The following CEBPZ variants were observed in gnomAD, a reference collection of about 807,000 sequenced individuals.
CEBPZ encodes the protein CCAAT enhancer binding protein zeta.
In CEBPZ, 78 loss-of-function variants were observed where a neutral mutation model predicts 104.5. The observed-to-expected ratio is 0.75, with a 90% CI of 0.62 to 0.90. The LOEUF (loss-of-function observed/expected upper bound fraction) is 0.90. CEBPZ is among the 40% of genes least tolerant of loss of function. The pLI is 0.00. For missense variants in CEBPZ, 1,439 were observed against 1,233.5 expected, an observed-to-expected ratio of 1.17 and a Z score of -2.50; for synonymous variants, 470 against 427.0, an observed-to-expected ratio of 1.10 and a Z score of -1.24.
intron 2 of CEBPZ, among the ~76,000 whole-genome samples, chr2:37,224,841 T>A (rs1451896547): frequency 2.0e-5 from 3 of 152,226 alleles, no homozygotes; most frequent in African/African-American, 7.2e-5. Context: ...CCTAAAGGCC[T>A]GTTAAGAAAC....
At chr2:37,205,602 C>G (rs1677509978) in intron 13 of CEBPZ, among the ~76,000 whole-genome samples, 1 of 152,204 alleles carries the variant, frequency 6.6e-6, no homozygotes, top group East Asian at 1.9e-4. Flanking sequence ...CATGCAAAGC[C>G]TGTTTGGTGG....
At chr2:37,226,131 G>A (rs931519343) in intron 2 of CEBPZ, among the ~76,000 whole-genome samples, 3 of 151,828 alleles carry the variant, frequency 2.0e-5, no homozygotes, top group Non-Finnish European at 2.9e-5. Context: ...AGGGAACTCA[G>A]AGGCTGGCGG....
chr2:37,222,788 C>A (rs1664802758), intron 3 of CEBPZ, among the ~76,000 whole-genome samples: 1 of 152,118 alleles, frequency 6.6e-6, no homozygotes, highest in African/African-American at 2.4e-5. Context: ...AACCCCTGAG[C>A]CTTAAGGACT....
intron 9 of CEBPZ, among the ~76,000 whole-genome samples, chr2:37,214,353 G>C (rs1677816611): frequency 6.6e-6 from 1 of 152,074 alleles, no homozygotes; most frequent in African/African-American, 2.4e-5. Context: ...TAAGGCATTA[G>C]GTTATGATAC....
In CEBPZ at chr2:37,231,521, C is replaced by G. The variant is rs1293460666; in HGVS notation, c.47G>C (p.Trp16Ser). ...ATCTTCTACTGCCTCCTCGGGGCGC[C>G]AAGGCCGCTTGGCATGGAACTCCAA... ...EPLEFHAKRP[W>S]RPEEAVEDPD... Residue 16 changes from tryptophan (W) to serine (S), a missense_variant, in exon 1 of 16, where the codon TGG becomes TCG. Trp to Ser is a radical substitution (Grantham distance 177). Coordinates refer to ENST00000234170, the MANE Select transcript of CEBPZ (RefSeq NM_005760.3). The G allele has an allele frequency of 6.2e-7, 1 of 1,614,130 alleles. No homozygotes were observed. Among genetic ancestry groups the G allele is most frequent in the African/African-American group, 1.3e-5 (1 of 74,944 alleles).
chr2:37,222,550 T>C lies in CEBPZ; in HGVS notation c.1895A>G (p.Glu632Gly). Residue 632 changes from glutamate (E) to glycine (G), a missense_variant, in exon 4 of 16, where the codon GAA becomes GGA. Transcript: ENST00000234170. ...QLDDHPESDDEENFIDANDDE... is the reference protein window; with the variant it reads ...QLDDHPESDDGENFIDANDDE... ...ATCATTTGCATCAATAAAATTTTCTTCATCATCAGACTCCTAACAAAAGTA... is the reference window on the plus strand; with the variant it reads ...ATCATTTGCATCAATAAAATTTTCTCCATCATCAGACTCCTAACAAAAGTA... The C allele has an allele frequency of 6.3e-7, 1 of 1,585,128 alleles. No individual in the cohort carries two copies. Among genetic ancestry groups the C allele is most frequent in the Non-Finnish European group, 8.5e-7 (1 of 1,171,714 alleles).
chr2:37,202,503 G>A (rs771422886), intron 15 of CEBPZ: 10 of 235,002 alleles, frequency 4.3e-5, no homozygotes, highest in Non-Finnish European at 7.5e-5. Flanking sequence ...AAATTAGCTG[G>A]GCGTGGTGGT....
In CEBPZ at chr2:37,220,522, C is replaced by A. The variant is rs1395177225; in HGVS notation, c.2066-49G>T. 20 of 974,692 alleles carry A rather than the reference C, an allele frequency of 2.1e-5. No homozygotes were observed. In the East Asian group the frequency reaches 4.6e-4, roughly 22 times the overall value. The allele number at this position is 974,692 out of a possible 1,614,324, so 60.4% of individuals were successfully genotyped here. A position where few individuals can be genotyped will look rare whatever the true frequency, so the allele number is the denominator to read the frequency against. ...ATTTCTCAAATGCTTTCTTCCTAGCCCAAGAGGTCATTAAAAGCACCACCA... is the reference window on the plus strand; with the variant it reads ...ATTTCTCAAATGCTTTCTTCCTAGCACAAGAGGTCATTAAAAGCACCACCA... On this transcript the variant is annotated intron_variant, in intron 4 of 15. Transcript: ENST00000234170.
chr2:37,211,098 A>T lies in CEBPZ; in HGVS notation c.2801-16T>A. ...ACTTCAAGTTCTGTTACACGAAAAA[A>T]TTTGCTAATAAGCAATTTAAAAACA... is the stretch of plus-strand genomic sequence containing the variant. On this transcript the variant is annotated splice_polypyrimidine_tract_variant and intron_variant, in intron 12 of 15. Coordinates refer to ENST00000234170, the MANE Select transcript of CEBPZ (RefSeq NM_005760.3). The T allele has an allele frequency of 6.3e-7, 1 of 1,575,662 alleles. No individual in the cohort carries two copies. Among genetic ancestry groups the T allele is most frequent in the Admixed American group, 1.8e-5 (1 of 55,504 alleles).
chr2:37,214,379 T>C (rs897795499), intron 9 of CEBPZ, among the ~76,000 whole-genome samples: 1 of 152,152 alleles, frequency 6.6e-6, no homozygotes, highest in African/African-American at 2.4e-5. Flanking sequence ...GGTTTAGGAC[T>C]TATTTCTATA....
At chr2:37,221,047 C>A (rs1459346160) in intron 4 of CEBPZ, among the ~76,000 whole-genome samples, 1 of 152,128 alleles carries the variant, frequency 6.6e-6, no homozygotes, top group African/African-American at 2.4e-5. Flanking sequence ...TGGCTGGGCA[C>A]AATGGCTCAT....
chr2:37,229,073 T>C, intron 1 of CEBPZ, 37 bp from the exon 2 acceptor site: 3 of 1,395,020 alleles, frequency 2.2e-6, no homozygotes, highest in Non-Finnish European at 2.8e-6. Context: ...ACATTACAAA[T>C]GTGAAAAATA....
chr2:37,203,133 AC>A, intron 13 of CEBPZ, 125 bp from the exon 14 acceptor site: 1 of 575,612 alleles, frequency 1.7e-6, no homozygotes, highest in Non-Finnish European at 2.9e-6. Context: ...ATCTTCTGGC[AC>A]CATTGGGTAG....
chr2:37,225,872 T>G (rs1188271289), intron 2 of CEBPZ, among the ~76,000 whole-genome samples: 1 of 102,154 alleles, frequency 9.8e-6, no homozygotes, highest in Non-Finnish European at 2.0e-5. Context: ...GTATGCTCCA[T>G]CTACTGAGAT....
chr2:37,201,668 G>A lies in CEBPZ; in HGVS notation c.*96C>T, dbSNP rs528297706. 1 of 792,046 alleles carries A rather than the reference G, an allele frequency of 1.3e-6. No individual in the cohort carries two copies. The highest frequency in any genetic ancestry group is 2.0e-5 in the Admixed American group (1 of 49,634). 49.1% of individuals were successfully genotyped at this position (792,046 alleles called of 1,614,324 possible). ...TTATTACAAATCCACTGAGAAGTCT[G>A]GAATGTATGGAATCAGAGAGCTAGA... is the stretch of plus-strand genomic sequence containing the variant. On this transcript the variant is annotated 3_prime_UTR_variant, in exon 16 of 16. Coordinates refer to ENST00000234170, the MANE Select transcript of CEBPZ (RefSeq NM_005760.3).
chr2:37,218,049 C>T (rs557310983), intron 5 of CEBPZ, among the ~76,000 whole-genome samples: 41 of 151,786 alleles, frequency 2.7e-4, no homozygotes, highest in African/African-American at 6.0e-4. Context: ...GGGCGGATCA[C>T]GAGGTCAGGA....
Position 37,214,949 on chromosome 2 carries a change from T to C in CEBPZ, c.2384A>G (p.Asn795Ser). The change falls in exon 9 of 16, where the codon AAC (asparagine) becomes AGC (serine). Residue 795 changes from asparagine (N) to serine (S), a missense_variant. Transcript: ENST00000234170. ...FIKDIRHLPVNSKEFLAKEES... is the reference protein window; with the variant it reads ...FIKDIRHLPVSSKEFLAKEES... Reference sequence around the variant, plus strand: ...TTCTTTTGCAAGGAACTCCTTACTGTTCACTACAAAAATAAATTTAAACAT... The same window carrying C: ...TTCTTTTGCAAGGAACTCCTTACTGCTCACTACAAAAATAAATTTAAACAT... 6.2e-7 allele frequency: 1 copy of C among 1,602,920 alleles called. No individual in the cohort carries two copies. The highest frequency in any genetic ancestry group is 8.5e-7 in the Non-Finnish European group (1 of 1,170,456).
At chr2:37,210,911 C>G (rs974563684) in intron 13 of CEBPZ, 88 bp downstream of exon 13, 11 of 626,510 alleles carry the variant, frequency 1.8e-5, no homozygotes, top group South Asian at 8.5e-5. Flanking sequence ...TTTTATTAAT[C>G]AAATTTAGGA....
At chr2:37,205,386 CTCCTGGCTCA>C (rs1213226948) in intron 13 of CEBPZ, among the ~76,000 whole-genome samples, 1 of 152,216 alleles carries the variant, frequency 6.6e-6, no homozygotes, top group Admixed American at 6.5e-5. Flanking sequence ...GAAATTCCTT[CTCCTGGCTCA>C]TCCTGGCTCA....
Sources: gnomAD v4.1 joint callset for allele counts (sites outside exome capture counted in the v4.1 genomes callset) on GRCh38, gnomAD v4.1.1 for gene constraint, MANE v1.5 for transcripts, NCBI Gene and HGNC (gene_info 2026-07-23, HGNC 2026-07-21) for gene names.